Variants in PTGFRN observed in about 807,000 individuals in gnomAD.
The protein encoded by PTGFRN is prostaglandin F2 receptor inhibitor.
A neutral mutation model predicts 83.2 loss-of-function variants in PTGFRN; 35 were observed. That is an observed-to-expected ratio of 0.42 (90% CI 0.32 to 0.56). The LOEUF is 0.56. PTGFRN is among the 20% of genes least tolerant of loss of function. The probability of loss-of-function intolerance (pLI) is 0.11; values close to 1 mark genes in which losing one functional copy is unlikely to be tolerated. For synonymous variants in PTGFRN, 519 were observed against 498.6 expected (o/e 1.04, Z -0.55); for missense variants, 1,051 against 1,179.5 (o/e 0.89, Z 1.60).
At chr1:116,981,034 A>G (rs1017785003) in intron 7 of PTGFRN, among the ~76,000 whole-genome samples, 3 of 152,318 alleles carry the variant, frequency 2.0e-5, no homozygotes, top group African/African-American at 7.2e-5. Flanking sequence ...GGAAATCATT[A>G]TAAATTTTTT....
intron 1 of PTGFRN, among the ~76,000 whole-genome samples, chr1:116,921,027 C>G (rs573756342): frequency 2.0e-5 from 3 of 152,288 alleles, no homozygotes; most frequent in Admixed American, 2.0e-4. Flanking sequence ...TTGGTCTGAA[C>G]AAGGAAGGTT....
chr1:116,959,248 T>G (rs566293894), intron 4 of PTGFRN, among the ~76,000 whole-genome samples: 5 of 152,324 alleles, frequency 3.3e-5, no homozygotes, highest in Admixed American at 1.3e-4. Context: ...TGTGACAGCA[T>G]ATGAGCCTGT....
chr1:116,967,015 C>T lies in PTGFRN; in HGVS notation c.1744C>T (p.Arg582Cys), dbSNP rs1410831066. Residue 582 changes from arginine to cysteine, a missense_variant, in exon 6 of 9, where the codon CGC becomes TGC. Physicochemically the swap from Arg to Cys is radical, Grantham distance 180 (BLOSUM62 -3). Coordinates refer to ENST00000393203, the MANE Select transcript of PTGFRN (RefSeq NM_020440.4). ...ATCTTCCAAGAATATTAAGTCGCCA[C>T]GCTACTCTGTTCTCATCATGGCTGA... ...KVSSKNIKSP[R>C]YSVLIMAEKP... 5 of 1,614,072 alleles carry T rather than the reference C, an allele frequency of 3.1e-6. No homozygotes were observed. The highest frequency in any genetic ancestry group is 1.7e-5 in the Admixed American group (1 of 60,006).
chr1:116,959,125 T>C (rs1032968987), intron 4 of PTGFRN, among the ~76,000 whole-genome samples: 4 of 152,236 alleles, frequency 2.6e-5, no homozygotes, highest in African/African-American at 9.6e-5. Flanking sequence ...ATCTTTTGCA[T>C]ATGATGGTGT....
In PTGFRN at chr1:116,986,946, C is replaced by T. The variant is rs1443049802; in HGVS notation, c.2619C>T (p.Leu873=). Residue 873 remains leucine (L), a synonymous_variant, in exon 9 of 9, where the codon CTC becomes CTT. Transcript: ENST00000393203. Reference sequence around the variant, plus strand: ...AGACACGGCGCGAGCGCCGCAGGCTCATGTCGATGGAGATGGACTAGGCTG... The same window carrying T: ...AGACACGGCGCGAGCGCCGCAGGCTTATGTCGATGGAGATGGACTAGGCTG... ...VQETRRERRR[L]MSMEMD is the part of the protein sequence containing the mutation. 4.3e-6 allele frequency: 7 copies of T among 1,614,228 alleles called. No individual in the cohort carries two copies. In the South Asian group the frequency reaches 5.5e-5, roughly 13 times the overall value.
intron 7 of PTGFRN, among the ~76,000 whole-genome samples, chr1:116,984,052 G>GT (rs1353800177): frequency 1.2e-4 from 18 of 152,298 alleles, no homozygotes; most frequent in African/African-American, 4.1e-4. Context: ...CTCTGGGACT[G>GT]TTAAACTGTG....
At chr1:116,963,517 A>G (rs1650732446) in intron 5 of PTGFRN, among the ~76,000 whole-genome samples, 1 of 151,994 alleles carries the variant, frequency 6.6e-6, no homozygotes, top group South Asian at 2.1e-4. Context: ...GACCTTTCCT[A>G]TTGGTCTGTC....
intron 1 of PTGFRN, among the ~76,000 whole-genome samples, chr1:116,928,488 A>C (rs1400762155): frequency 1.3e-5 from 2 of 152,128 alleles, no homozygotes; most frequent in Non-Finnish European, 2.9e-5. Context: ...CCTCTGTCAT[A>C]TTTCTTTGCC....
At chr1:116,936,580 G>A (rs1384574259) in intron 1 of PTGFRN, among the ~76,000 whole-genome samples, 2 of 152,232 alleles carry the variant, frequency 1.3e-5, no homozygotes, top group African/African-American at 2.4e-5. Flanking sequence ...CTTCTTACAA[G>A]AGGGTGAAGA....
chr1:116,951,260 A>C (rs1650339395), intron 4 of PTGFRN, among the ~76,000 whole-genome samples: 1 of 152,228 alleles, frequency 6.6e-6, no homozygotes, highest in Non-Finnish European at 1.5e-5. Context: ...GGGCTCCTTT[A>C]ACTGGAAGGG....
At chr1:116,929,745 A>G (rs1337458579) in intron 1 of PTGFRN, among the ~76,000 whole-genome samples, 1 of 152,170 alleles carries the variant, frequency 6.6e-6, no homozygotes, top group Non-Finnish European at 1.5e-5. Context: ...CTTTCCTAGA[A>G]CACAGTTTTC....
At chr1:116,951,297 G>T (rs886186283) in intron 4 of PTGFRN, among the ~76,000 whole-genome samples, 5 of 152,318 alleles carry the variant, frequency 3.3e-5, no homozygotes, top group Admixed American at 2.6e-4. Context: ...GTTCTCCAGA[G>T]AGTGAAAAGA....
intron 7 of PTGFRN, among the ~76,000 whole-genome samples, chr1:116,983,397 T>G (rs1338963239): frequency 1.3e-5 from 2 of 151,204 alleles, no homozygotes; most frequent in African/African-American, 4.9e-5. Context: ...ACGAGAGTGA[T>G]GCGGGTGTCC....
intron 7 of PTGFRN, among the ~76,000 whole-genome samples, chr1:116,975,027 A>C (rs998098052): frequency 2.6e-5 from 4 of 152,196 alleles, no homozygotes; most frequent in Non-Finnish European, 4.4e-5. Flanking sequence ...CTCCCACCCT[A>C]ATACTGCGCT....
intron 1 of PTGFRN, among the ~76,000 whole-genome samples, chr1:116,913,515 T>G (rs1649324692): frequency 6.6e-6 from 1 of 151,654 alleles, no homozygotes; most frequent in Non-Finnish European, 1.5e-5. Flanking sequence ...TGCTAAGGAG[T>G]CTGGACTGGG....
intron 3 of PTGFRN, 86 bp downstream of exon 3, chr1:116,945,178 C>G (rs1209299260): frequency 1.4e-6 from 2 of 1,476,988 alleles, no homozygotes; most frequent in Non-Finnish European, 1.8e-6. Flanking sequence ...AGCCCCATGG[C>G]CTTCTGACAA....
intron 7 of PTGFRN, among the ~76,000 whole-genome samples, chr1:116,980,032 C>CAAA (rs1651268299): frequency 7.7e-6 from 1 of 129,740 alleles, no homozygotes; most frequent in East Asian, 2.6e-4. Context: ...AAAAAAACAA[C>CAAA]CCCATCAAAA....
At chr1:116,915,320 C>T (rs1338131107) in intron 1 of PTGFRN, among the ~76,000 whole-genome samples, 2 of 152,200 alleles carry the variant, frequency 1.3e-5, no homozygotes, top group African/African-American at 2.4e-5. Context: ...TCTCTGCAAC[C>T]CTAGCAGGTG....
At position 116,967,309 on chromosome 1, in the gene PTGFRN, G is replaced by A; in HGVS notation, c.2038G>A (p.Glu680Lys). ...AGCAACCAGTCTCTCCAATCCTATT[G>A]AGATAGACTTCCAAACCTCAGGTGA... Reference protein sequence around the residue: ...EAATSLSNPIEIDFQTSGPIF... With the variant: ...EAATSLSNPIKIDFQTSGPIF... Residue 680 changes from glutamate to lysine, a missense_variant, in exon 6 of 9, where the codon GAG becomes AAG. Glu to Lys is a moderately conservative substitution (Grantham distance 56). This residue lies in a region of PTGFRN where 719 missense variants were observed against 836.6 expected (regional missense o/e 0.86). Transcript: ENST00000393203. 1 of 1,611,390 alleles carries A rather than the reference G, an allele frequency of 6.2e-7. No individual in the cohort carries two copies. The highest frequency in any genetic ancestry group is 8.5e-7 in the Non-Finnish European group (1 of 1,177,670).
Sources: gnomAD v4.1 joint callset for allele counts (sites outside exome capture counted in the v4.1 genomes callset) on GRCh38, gnomAD v4.1.1 for gene constraint, gnomAD v4.1.1 regional missense constraint, MANE v1.5 for transcripts, NCBI Gene and HGNC (gene_info 2026-07-23, HGNC 2026-07-21) for gene names.